The following JAKMIP2 variants were observed in gnomAD, a reference collection of about 807,000 sequenced individuals.
JAKMIP2 encodes the protein janus kinase and microtubule-interacting protein 2.
A neutral mutation model predicts 115.0 loss-of-function variants in JAKMIP2; 25 were observed. The observed-to-expected ratio is 0.22, with a 90% CI of 0.16 to 0.30. JAKMIP2 has a LOEUF of 0.30. JAKMIP2 is among the 10% of genes least tolerant of loss of function. JAKMIP2 has a pLI of 1.00. For missense variants in JAKMIP2, 642 were observed against 957.6 expected (o/e 0.67, Z 4.35); for synonymous variants, 334 against 343.6 (o/e 0.97, Z 0.31).
chr5:147,602,959 A>G (rs1044372565), intron 20 of JAKMIP2, among the ~76,000 whole-genome samples: 10 of 152,298 alleles, frequency 6.6e-5, no homozygotes, highest in African/African-American at 2.4e-4. Context: ...CTGAAAAGCA[A>G]AAACTGTTGC....
chr5:147,644,454 G>A (rs978299340), intron 6 of JAKMIP2, among the ~76,000 whole-genome samples: 3 of 152,082 alleles, frequency 2.0e-5, no homozygotes, highest in Admixed American at 6.5e-5. Flanking sequence ...TCACTTGTCC[G>A]CATATAACAC....
intron 1 of JAKMIP2, among the ~76,000 whole-genome samples, chr5:147,673,457 G>A (rs1759747723): frequency 6.6e-6 from 1 of 152,118 alleles, no homozygotes; most frequent in South Asian, 2.1e-4. Flanking sequence ...CTGGGATCCT[G>A]GGCTTTGTGC....
chr5:147,660,094 G>A (rs892455717), intron 3 of JAKMIP2, among the ~76,000 whole-genome samples: 3 of 152,202 alleles, frequency 2.0e-5, no homozygotes, highest in Non-Finnish European at 4.4e-5. Context: ...TAACATTAAA[G>A]TAAGATGTAA....
chr5:147,599,103 T>G (rs1755556691), intron 21 of JAKMIP2, among the ~76,000 whole-genome samples: 1 of 152,172 alleles, frequency 6.6e-6, no homozygotes, highest in African/African-American at 2.4e-5. Flanking sequence ...TTTAGTATAA[T>G]TTTGTATACT....
chr5:147,691,774 T>C (rs1580789377), intron 1 of JAKMIP2, among the ~76,000 whole-genome samples: 1 of 152,018 alleles, frequency 6.6e-6, no homozygotes. Context: ...GCAAAGGCGA[T>C]GTGATGTCCA....
At chr5:147,599,896 A>G (rs1755605720) in intron 21 of JAKMIP2, among the ~76,000 whole-genome samples, 1 of 152,106 alleles carries the variant, frequency 6.6e-6, no homozygotes, top group African/African-American at 2.4e-5. Context: ...GGATTTCATG[A>G]GGATTAAATG....
chr5:147,731,272 T>C (rs1242681976), intron 1 of JAKMIP2, among the ~76,000 whole-genome samples: 2 of 152,086 alleles, frequency 1.3e-5, no homozygotes, highest in Non-Finnish European at 2.9e-5. Context: ...AATAAATCCT[T>C]TGGGGGGTTG....
intron 1 of JAKMIP2, among the ~76,000 whole-genome samples, chr5:147,774,824 C>G (rs1755497676): frequency 6.6e-6 from 1 of 152,060 alleles, no homozygotes; most frequent in African/African-American, 2.4e-5. Context: ...GGAACATTTC[C>G]AGTTTGGAAA....
At chr5:147,782,416 A>C in intron 1 of JAKMIP2, 40 bp downstream of exon 1, 1 of 1,533,254 alleles carries the variant, frequency 6.5e-7, no homozygotes, top group East Asian at 2.4e-5. Context: ...AAATAAGAAC[A>C]CTCTAAACCA....
At chr5:147,775,049 T>G (rs2127084101) in intron 1 of JAKMIP2, among the ~76,000 whole-genome samples, 1 of 152,288 alleles carries the variant, frequency 6.6e-6, no homozygotes, top group African/African-American at 2.4e-5. Context: ...GTAAGTGCCA[T>G]GATCTTGATT....
intron 1 of JAKMIP2, among the ~76,000 whole-genome samples, chr5:147,771,607 GATTCAAAGC>G: frequency 6.6e-6 from 1 of 152,104 alleles, no homozygotes; most frequent in Middle Eastern, 3.4e-3. Flanking sequence ...ATTAAATACT[GATTCAAAGC>G]ATTCTCATCA....
intron 17 of JAKMIP2, among the ~76,000 whole-genome samples, chr5:147,621,476 C>T (rs117454284): frequency 6.6e-6 from 1 of 152,276 alleles, no homozygotes; most frequent in East Asian, 1.9e-4. Context: ...TTTGAGAGAT[C>T]GTGTATCTGT....
intron 14 of JAKMIP2, among the ~76,000 whole-genome samples, chr5:147,630,882 A>G (rs973383338): frequency 2.6e-5 from 4 of 152,178 alleles, no homozygotes; most frequent in Admixed American, 1.3e-4. Context: ...TAAAAAGATA[A>G]TTATATTCTA....
chr5:147,652,528 C>T (rs1758456123), intron 3 of JAKMIP2, among the ~76,000 whole-genome samples: 1 of 152,028 alleles, frequency 6.6e-6, no homozygotes, highest in Non-Finnish European at 1.5e-5. Context: ...CATTTCTCTC[C>T]CTTTCAGTTC....
intron 3 of JAKMIP2, 38 bp from the exon 4 acceptor site, chr5:147,650,585 T>C: frequency 6.8e-7 from 1 of 1,470,762 alleles, no homozygotes; most frequent in Non-Finnish European, 9.5e-7. Context: ...TATTTAACAA[T>C]GCTGTAAAGA....
At chr5:147,650,842 G>A (rs1758362014) in intron 3 of JAKMIP2, among the ~76,000 whole-genome samples, 1 of 152,140 alleles carries the variant, frequency 6.6e-6, no homozygotes, top group Non-Finnish European at 1.5e-5. Context: ...GCAAAGGACA[G>A]TCTAACTTTA....
intron 1 of JAKMIP2, among the ~76,000 whole-genome samples, chr5:147,694,692 T>C (rs59869452): frequency 0.027 from 4,089 of 152,306 alleles, 198 homozygotes; most frequent in African/African-American, 0.095. Context: ...AGACTGCATC[T>C]TTCTTAAACT....
chr5:147,618,582 T>C (rs778865271), intron 18 of JAKMIP2, among the ~76,000 whole-genome samples: 4 of 151,786 alleles, frequency 2.6e-5, no homozygotes, highest in Non-Finnish European at 4.4e-5. Context: ...ACTAAAAATA[T>C]AAAAAATTAG....
intron 1 of JAKMIP2, among the ~76,000 whole-genome samples, chr5:147,711,287 G>C (rs1007425079): frequency 3.9e-5 from 6 of 152,080 alleles, no homozygotes; most frequent in African/African-American, 1.4e-4. Flanking sequence ...GCAAGTCCAC[G>C]GGAGTGATGG....
Sources: gnomAD v4.1 joint callset for allele counts (sites outside exome capture counted in the v4.1 genomes callset) on GRCh38, gnomAD v4.1.1 for gene constraint, MANE v1.5 for transcripts, NCBI Gene and HGNC (gene_info 2026-07-23, HGNC 2026-07-21) for gene names.